Variants in PKHD1L1 observed in about 807,000 individuals in gnomAD.
PKHD1L1 encodes PKHD1 like 1, also known as fibrocystin-L.
Under a neutral mutation model 462.9 loss-of-function variants are expected in PKHD1L1, and 434 were observed. That is an observed-to-expected ratio of 0.94 (90% CI 0.87 to 1.02). The LOEUF (loss-of-function observed/expected upper bound fraction) is 1.02. Ranked by LOEUF, PKHD1L1 falls within the 50% of genes least tolerant of loss-of-function variation. The pLI is 0.00. For synonymous variants in PKHD1L1, 1,781 were observed against 1,750.0 expected (o/e 1.02, Z -0.44); for missense variants, 5,202 against 5,096.1 (o/e 1.02, Z -0.63).
rs1817020193 is a variant in PKHD1L1, at chr8:109,459,821, G to C, written c.7231G>C (p.Asp2411His). ...EWNNKIPACP[D>H]GFDTGEFATQ... ...GAATAACAAAATTCCTGCATGTCCT[G>C]ATGGATTTGACACAGGTAATTTTAG... The change falls in exon 47 of 78, where the codon GAT (aspartate) becomes CAT (histidine). Residue 2411 changes from aspartate to histidine, a missense_variant. Physicochemically the swap from Asp to His is moderately conservative, Grantham distance 81 (BLOSUM62 -1). Coordinates refer to ENST00000378402, the MANE Select transcript of PKHD1L1 (RefSeq NM_177531.6). 3.1e-6 allele frequency: 5 copies of C among 1,610,270 alleles called. No homozygotes were observed. Among genetic ancestry groups the C allele is most frequent in the Non-Finnish European group, 4.2e-6 (5 of 1,177,966 alleles).
rs994104145 is a variant in PKHD1L1, at chr8:109,419,293, T to C, written c.2524+33T>C. The C allele has an allele frequency of 4.0e-6, 6 of 1,485,500 alleles. No homozygotes were observed. The African/African-American group carries it at 8.4e-5, about 21-fold the overall frequency. The allele number at this position is 1,485,500 out of a possible 1,614,324, so 92.0% of individuals were successfully genotyped here. A position where few individuals can be genotyped will look rare whatever the true frequency, so the allele number is the denominator to read the frequency against. On this transcript the variant is annotated intron_variant, in intron 22 of 77. Transcript: ENST00000378402. ...GTATCATTTTATCTCTGCTTTAATC[T>C]AAATATAGTAAAATCTTACCATGGA...
At chr8:109,428,476 G>A (rs1379067801) in intron 25 of PKHD1L1, among the ~76,000 whole-genome samples, 1 of 152,076 alleles carries the variant, frequency 6.6e-6, no homozygotes, top group Admixed American at 6.6e-5. Flanking sequence ...GGAAGTGGGG[G>A]CAAAAACAAC....
intron 21 of PKHD1L1, 135 bp from the exon 22 acceptor site, chr8:109,418,962 G>C (rs908072276): frequency 7.2e-5 from 47 of 653,976 alleles, no homozygotes; most frequent in Non-Finnish European, 1.1e-4. Context: ...CTGCTTTTCT[G>C]TGCTAATAAA....
chr8:109,362,980 TG>T (rs1443251252), intron 1 of PKHD1L1, among the ~76,000 whole-genome samples: 1 of 150,442 alleles, frequency 6.6e-6, no homozygotes, highest in Admixed American at 6.6e-5. Context: ...GGCGGGGGAG[TG>T]GGGACTGGGA....
At chr8:109,487,714 A>G (rs1177357432) in intron 59 of PKHD1L1, among the ~76,000 whole-genome samples, 1 of 151,622 alleles carries the variant, frequency 6.6e-6, no homozygotes, top group South Asian at 2.1e-4. Flanking sequence ...TTCAGGCTCA[A>G]TTTTTAGTCA....
At position 109,518,190 on chromosome 8, in the gene PKHD1L1, T is replaced by A. The variant is rs981429523; in HGVS notation, c.11713T>A (p.Ser3905Thr). The change falls in exon 73 of 78, where the codon TCC becomes ACC. Residue 3905 changes from serine (S) to threonine (T), a missense_variant. Around this residue, in one of 3 missense-constraint regions of PKHD1L1, gnomAD observed 698 missense variants for 736.3 expected, o/e 0.95. Transcript: ENST00000378402. ...YKDQFLPNLD[S>T]TVLGENYFDG... ...AGACCAATTCCTTCCTAACCTGGAT[T>A]CCACTGTCCTTGGTGAAAACTACTT... 3.1e-6 allele frequency: 5 copies of A among 1,596,800 alleles called. No homozygotes were observed. In the African/African-American group the frequency reaches 6.7e-5, roughly 21 times the overall value.
chr8:109,466,057 T>C (rs1817424239), intron 49 of PKHD1L1, among the ~76,000 whole-genome samples: 1 of 152,302 alleles, frequency 6.6e-6, no homozygotes, highest in Middle Eastern at 3.4e-3. Context: ...TGAAAGAAGA[T>C]TCATCTCAAA....
In PKHD1L1 at chr8:109,508,089, GT is replaced by G. The variant is rs1433095362; in HGVS notation, c.11228-5del. 1.9e-6 allele frequency: 3 copies of G among 1,591,944 alleles called. No individual in the cohort carries two copies. The highest frequency in any genetic ancestry group is 2.6e-6 in the Non-Finnish European group (3 of 1,170,942). On this transcript the variant is annotated splice_polypyrimidine_tract_variant and splice_region_variant and intron_variant, in intron 69 of 77. Transcript: ENST00000378402. ...TTATTGCTAAAATATATATACATATGTTTCTAGGAATTATTAGAGATTCAAC... is the reference window on the plus strand; with the variant it reads ...TTATTGCTAAAATATATATACATATGTTCTAGGAATTATTAGAGATTCAAC...
At chr8:109,473,131 C>T (rs767792637) in intron 50 of PKHD1L1, among the ~76,000 whole-genome samples, 3 of 152,052 alleles carry the variant, frequency 2.0e-5, no homozygotes, top group Non-Finnish European at 4.4e-5. Flanking sequence ...TTAGGAAAAA[C>T]ACAACTTAAA....
chr8:109,470,115 A>G, intron 50 of PKHD1L1: 1 of 486,876 alleles, frequency 2.1e-6, no homozygotes, highest in Non-Finnish European at 3.7e-6. Context: ...TTAAATATAC[A>G]ACATAATAAA....
At chr8:109,381,337 A>C (rs1383091152) in intron 2 of PKHD1L1, 33 bp from the exon 3 acceptor site, 1 of 1,513,782 alleles carries the variant, frequency 6.6e-7, no homozygotes, top group Non-Finnish European at 9.0e-7. Context: ...ATAGAATACC[A>C]TTAATAATAA....
chr8:109,502,461 A>C lies in PKHD1L1; in HGVS notation c.10829-1866A>C, dbSNP rs546451744. The stretch of plus-strand genomic sequence containing the variant: ...TATACACATCCAGAGCATTCAGCAC[A>C]TTCTGAGACTTCAGGGTCCAAGTGG... On this transcript the variant is annotated intron_variant, in intron 67 of 77. Coordinates refer to ENST00000378402, the MANE Select transcript of PKHD1L1 (RefSeq NM_177531.6). Among the ~76,000 whole-genome samples the C allele has an allele frequency of 3.3e-5, 5 of 152,328 alleles. No individual in the cohort carries two copies. The South Asian group carries it at 1.0e-3, about 32-fold the overall frequency.
intron 6 of PKHD1L1, among the ~76,000 whole-genome samples, chr8:109,387,734 T>C (rs1227810207): frequency 6.6e-6 from 1 of 152,218 alleles, no homozygotes; most frequent in African/African-American, 2.4e-5. Context: ...TAAAAGTATA[T>C]TAAAAAGTTC....
intron 8 of PKHD1L1, 62 bp downstream of exon 8, chr8:109,389,214 G>T: frequency 7.3e-7 from 1 of 1,373,046 alleles, no homozygotes; most frequent in South Asian, 1.2e-5. Flanking sequence ...TCCCTGTTTT[G>T]TATTCTCCTA....
At position 109,452,024 on chromosome 8, in the gene PKHD1L1, A is replaced by ATT. The variant is rs149400770; in HGVS notation, c.6351-91_6351-90dup. 1,224 of 967,628 alleles carry ATT rather than the reference A, an allele frequency of 1.3e-3. 5 individuals carry two copies. The African/African-American group carries it at 0.018, about 14-fold the overall frequency. The allele number at this position is 967,628 out of a possible 1,614,324, so 59.9% of individuals were successfully genotyped here. A position where few individuals can be genotyped will look rare whatever the true frequency, so the allele number is the denominator to read the frequency against. ...CTTTGGTGGCTGATAGAATCAGGTCATTTTTTTTTTGCAATAATACATAGG... is the reference window on the plus strand; with the variant it reads ...CTTTGGTGGCTGATAGAATCAGGTCATTTTTTTTTTTTGCAATAATACATAGG... On this transcript the variant is annotated intron_variant, in intron 41 of 77. Coordinates refer to ENST00000378402, the MANE Select transcript of PKHD1L1 (RefSeq NM_177531.6).
At position 109,425,307 on chromosome 8, in the gene PKHD1L1, TTTAAC is replaced by T. The variant is rs1038450833; in HGVS notation, c.2845+78_2845+82del. ...TAACCTTATAAAGTGTTAAATTTTG[TTTAAC>T]TTGAGAATTACTACTTATTGATACA... On this transcript the variant is annotated intron_variant, in intron 24 of 77. Coordinates refer to ENST00000378402, the MANE Select transcript of PKHD1L1 (RefSeq NM_177531.6). 27 of 1,205,312 alleles carry T rather than the reference TTTAAC, an allele frequency of 2.2e-5. No homozygotes were observed. The African/African-American group carries it at 4.1e-4, about 18-fold the overall frequency. 74.7% of individuals were successfully genotyped at this position (1,205,312 alleles called of 1,614,324 possible). A position where few individuals can be genotyped will look rare whatever the true frequency, so the allele number is the denominator to read the frequency against.
chr8:109,426,384 T>C (rs1251102263), intron 24 of PKHD1L1, among the ~76,000 whole-genome samples: 1 of 151,988 alleles, frequency 6.6e-6, no homozygotes, highest in Non-Finnish European at 1.5e-5. Context: ...ATATTTGATA[T>C]TTGTGAATTG....
chr8:109,430,155 A>AG (rs1223446238), intron 27 of PKHD1L1, 118 bp downstream of exon 27: 2 of 541,810 alleles, frequency 3.7e-6, no homozygotes, highest in Non-Finnish European at 6.3e-6. Flanking sequence ...GCAAGCAAAC[A>AG]GTTCTACATT....
rs374892431 is a variant in PKHD1L1 at position 109,498,711 on chromosome 8, C to G, written c.10768C>G (p.Arg3590Gly). The G allele has an allele frequency of 1.2e-6, 2 of 1,613,820 alleles. No homozygotes were observed. Among genetic ancestry groups the G allele is most frequent in the Admixed American group, 3.3e-5 (2 of 59,990 alleles). Reference protein sequence around the residue: ...TFASAHNMAPRKPHAGIMSYN... With the variant: ...TFASAHNMAPGKPHAGIMSYN... ...TGCTTCAGCTCATAACATGGCACCC[C>G]GAAAGCCCCATGCAGGAATCATGAG... is the stretch of plus-strand genomic sequence containing the variant. The change falls in exon 67 of 78, where the codon CGA (arginine) becomes GGA (glycine). Residue 3590 changes from arginine to glycine, a missense_variant. Transcript: ENST00000378402.
Sources: allele counts gnomAD v4.1 joint callset (sites outside exome capture counted in the v4.1 genomes callset), GRCh38; gene constraint gnomAD v4.1.1; regional missense constraint gnomAD v4.1.1; transcripts MANE v1.5; gene names NCBI Gene and HGNC (gene_info 2026-07-23, HGNC 2026-07-21).